ADGRE3: variants seen among roughly 807,000 people sequenced by gnomAD.
The protein encoded by ADGRE3 is EGF-like module receptor 3.
Under a neutral mutation model 80.1 loss-of-function variants are expected in ADGRE3, and 88 were observed. The observed-to-expected ratio is 1.10, with a 90% confidence interval of 0.93 to 1.31. ADGRE3 has a LOEUF of 1.31. Ranked by LOEUF, ADGRE3 falls within the 40% of genes most tolerant of loss-of-function variation. The probability of loss-of-function intolerance (pLI) is 0.00; values close to 1 mark genes in which losing one functional copy is unlikely to be tolerated. For missense variants in ADGRE3, 715 were observed against 776.5 expected (o/e 0.92, Z 0.94); for synonymous variants, 281 against 294.8 (o/e 0.95, Z 0.48).
chr19:14,660,709 A>G (rs1177245418), intron 4 of ADGRE3, among the ~76,000 whole-genome samples: 1 of 151,728 alleles, frequency 6.6e-6, no homozygotes, highest in Non-Finnish European at 1.5e-5. Flanking sequence ...CTCTTTTCTC[A>G]TATAGACTTT....
the ADGRE3 span, among the ~76,000 whole-genome samples, chr19:14,611,664 G>A: frequency 6.6e-6 from 1 of 152,090 alleles, no homozygotes; most frequent in Non-Finnish European, 1.5e-5. Context: ...CTGCCAGCAC[G>A]TGCCCTTGAG....
chr19:14,615,765 A>C (rs1297119574), downstream of ADGRE3, among the ~76,000 whole-genome samples: 3 of 151,726 alleles, frequency 2.0e-5, no homozygotes, highest in Non-Finnish European at 4.4e-5. Flanking sequence ...GCTAAAAAAA[A>C]AAAAAAATTA....
At chr19:14,664,805 T>G (rs1271791318) in intron 2 of ADGRE3, among the ~76,000 whole-genome samples, 1 of 152,038 alleles carries the variant, frequency 6.6e-6, no homozygotes, top group Non-Finnish European at 1.5e-5. Flanking sequence ...TTAGGCTTCA[T>G]TACTTATGAA....
In ADGRE3 at chr19:14,636,057, C is replaced by CTTTCCTTTCCT. The variant is rs372605470; in HGVS notation, c.1484+2047_1484+2048insAGGAAAGGAAA. 6.1e-4 allele frequency among the ~76,000 whole-genome samples: 39 copies of CTTTCCTTTCCT among 63,678 alleles called. 1 individual carries two copies. Among genetic ancestry groups the CTTTCCTTTCCT allele is most frequent in the Admixed American group, 8.5e-4 (5 of 5,848 alleles). The allele number at this position is 63,678 out of a possible 152,430, so 41.8% of individuals were successfully genotyped here. On this transcript the variant is annotated intron_variant, in intron 11 of 15. Transcript: ENST00000253673. ...CCTTCCTTCCTTCCTTCCTTCCTTC[C>CTTTCCTTTCCT]TTCCTTTCCTTTCCTTTCCTTTCCC...
intron 11 of ADGRE3, among the ~76,000 whole-genome samples, chr19:14,637,779 T>C (rs1242104140): frequency 1.3e-5 from 2 of 152,044 alleles, no homozygotes; most frequent in African/African-American, 4.8e-5. Flanking sequence ...TCCTCCCACG[T>C]TGGCCTCCCA....
At chr19:14,612,655 T>A in the ADGRE3 span, among the ~76,000 whole-genome samples, 20 of 152,122 alleles carry the variant, frequency 1.3e-4, no homozygotes, top group South Asian at 3.9e-3. Flanking sequence ...ACTTTAAAGA[T>A]CCTGTCTCCA....
At position 14,638,215 on chromosome 19, in the gene ADGRE3, G is replaced by A. The variant is rs1213895962; in HGVS notation, c.1374C>T (p.Ser458=). 1.9e-6 allele frequency: 3 copies of A among 1,614,094 alleles called. No homozygotes were observed. The highest frequency in any genetic ancestry group is 1.1e-5 in the South Asian group (1 of 91,072). Residue 458 remains serine (S), a synonymous_variant, in exon 11 of 16, where the codon AGC becomes AGT. Coordinates refer to ENST00000253673, the MANE Select transcript of ADGRE3 (RefSeq NM_032571.5). ...ARNLTVVNYS[S]INRLMKWIMF... ...TGATCCACTTCATGAGTCTATTGAT[G>A]CTTGAGTAGTTGACCACTGTCAGGT...
intron 9 of ADGRE3, among the ~76,000 whole-genome samples, chr19:14,642,211 C>A (rs778804385): frequency 2.6e-5 from 4 of 152,148 alleles, no homozygotes; most frequent in Admixed American, 6.6e-5. Context: ...TATTTTACCA[C>A]AATCTTTACA....
chr19:14,620,551 T>TATATATATATATATATA (rs1970559192), intron 15 of ADGRE3, among the ~76,000 whole-genome samples: 1 of 23,414 alleles, frequency 4.3e-5, no homozygotes, highest in African/African-American at 1.8e-4. Flanking sequence ...ATATATATTA[T>TATATATATATATATATA]ATATATATAT....
At chr19:14,663,202 C>A (rs917119647) in intron 3 of ADGRE3, among the ~76,000 whole-genome samples, 1 of 151,492 alleles carries the variant, frequency 6.6e-6, no homozygotes, top group African/African-American at 2.4e-5. Flanking sequence ...GGGGTTTTGT[C>A]ATGTTGGCCA....
At chr19:14,637,590 A>G (rs1378260490) in intron 11 of ADGRE3, among the ~76,000 whole-genome samples, 1 of 151,054 alleles carries the variant, frequency 6.6e-6, no homozygotes, top group Non-Finnish European at 1.5e-5. Flanking sequence ...TAGTAGACAC[A>G]AGGTCTTGCT....
chr19:14,648,093 A>AAG (rs1220379013), intron 7 of ADGRE3, among the ~76,000 whole-genome samples: 1 of 151,224 alleles, frequency 6.6e-6, no homozygotes, highest in Non-Finnish European at 1.5e-5. Context: ...AAGACAAAAA[A>AAG]AAAAAAAAAA....
rs955322626 is a variant in ADGRE3 at position 14,664,458 on chromosome 19, T to C, written c.77-918A>G. On this transcript the variant is annotated intron_variant, in intron 2 of 15. Coordinates refer to ENST00000253673, the MANE Select transcript of ADGRE3 (RefSeq NM_032571.5). ...CGCCTGTTGACATCTGTAATTCCAG[T>C]GCTTTGGGAGGCCCAGGTAGGAGGA... Among the ~76,000 whole-genome samples, 4 of 152,180 alleles carry C rather than the reference T, an allele frequency of 2.6e-5. No individual in the cohort carries two copies. In the East Asian group the frequency reaches 5.8e-4, roughly 22 times the overall value.
At chr19:14,615,090 A>C (rs2075067726), downstream of ADGRE3, among the ~76,000 whole-genome samples, 1 of 150,834 alleles carries the variant, frequency 6.6e-6, no homozygotes, top group African/African-American at 2.4e-5. Context: ...TGAGGCCCAG[A>C]GGTGGGGTCT....
chr19:14,665,581 C>T (rs1972069766), intron 2 of ADGRE3, among the ~76,000 whole-genome samples: 1 of 152,022 alleles, frequency 6.6e-6, no homozygotes, highest in Non-Finnish European at 1.5e-5. Flanking sequence ...CCTCAACCTC[C>T]TGGGCTCAAG....
At chr19:14,664,656 T>C (rs1376694973) in intron 2 of ADGRE3, among the ~76,000 whole-genome samples, 1 of 151,902 alleles carries the variant, frequency 6.6e-6, no homozygotes, top group Non-Finnish European at 1.5e-5. Flanking sequence ...CTGCAGTGAG[T>C]CGTGGTCATG....
intron 1 of ADGRE3, among the ~76,000 whole-genome samples, chr19:14,674,269 G>T (rs1972331704): frequency 6.6e-6 from 1 of 152,078 alleles, no homozygotes; most frequent in Admixed American, 6.6e-5. Context: ...GGCTGAGGCG[G>T]GTGGATCACC....
chr19:14,663,182 T>C (rs535863805), intron 3 of ADGRE3, among the ~76,000 whole-genome samples: 1 of 151,956 alleles, frequency 6.6e-6, no homozygotes, highest in South Asian at 2.1e-4. Context: ...TTTGTATTTT[T>C]AGTAGAGATG....
chr19:14,608,380 C>T, the ADGRE3 span, among the ~76,000 whole-genome samples: 82 of 152,228 alleles, frequency 5.4e-4, no homozygotes, highest in African/African-American at 1.9e-3. Flanking sequence ...ACACCACCCC[C>T]AGTCATTCCC....
Sources: allele counts gnomAD v4.1 joint callset (sites outside exome capture counted in the v4.1 genomes callset), GRCh38; gene constraint gnomAD v4.1.1; transcripts MANE v1.5; gene names NCBI Gene and HGNC (gene_info 2026-07-23, HGNC 2026-07-21).